The following PUDP variants were observed in gnomAD, a reference collection of about 807,000 sequenced individuals.
PUDP encodes pseudouridine 5'-phosphatase.
In PUDP, 8 loss-of-function variants were observed where a neutral mutation model predicts 9.4. That is an observed-to-expected ratio of 0.85 (90% CI 0.50 to 1.53). The LOEUF (loss-of-function observed/expected upper bound fraction) is 1.53, where lower values mean the gene tolerates loss of function less well. Among genes scored for constraint, PUDP ranks in the 40% most tolerant of loss-of-function variants. PUDP has a pLI of 0.00. For synonymous variants in PUDP, 99 were observed against 80.7 expected (o/e 1.23, Z -1.22); for missense variants, 188 against 189.7 (o/e 0.99, Z 0.05).
At chrX:6,964,378 G>T (rs950822051) in intron 3 of PUDP, among the ~76,000 whole-genome samples, 14 of 112,249 alleles carry the variant, frequency 1.2e-4, no homozygotes, top group African/African-American at 4.2e-4. Flanking sequence ...TTTGATTCAA[G>T]AAATGGGTAT....
intron 3 of PUDP, among the ~76,000 whole-genome samples, chrX:6,902,720 G>A (rs967771406): frequency 3.6e-5 from 4 of 111,652 alleles, no homozygotes; most frequent in African/African-American, 6.5e-5. Context: ...CACTGGCAGA[G>A]CTAGCCTGTA....
intron 2 of PUDP, among the ~76,000 whole-genome samples, chrX:7,077,932 A>G (rs1930966791): frequency 8.9e-6 from 1 of 112,565 alleles, no homozygotes; most frequent in Non-Finnish European, 1.9e-5. Flanking sequence ...AAACACTTCA[A>G]TCATTCTTCA....
intron 1 of PUDP, among the ~76,000 whole-genome samples, chrX:7,038,852 C>A (rs1443235692): frequency 8.9e-6 from 1 of 112,147 alleles, no homozygotes; most frequent in East Asian, 2.8e-4. Flanking sequence ...GAATATCGTT[C>A]TTTCCTCGGA....
intron 3 of PUDP, among the ~76,000 whole-genome samples, chrX:6,886,214 A>G (rs1253060147): frequency 2.7e-5 from 3 of 112,236 alleles, no homozygotes; most frequent in African/African-American, 9.7e-5. Context: ...TTAAACTCCA[A>G]TTATGGCAGT....
intron 1 of PUDP, among the ~76,000 whole-genome samples, chrX:7,111,494 G>C (rs1932047808): frequency 9.2e-6 from 1 of 108,360 alleles, no homozygotes; most frequent in Non-Finnish European, 1.9e-5. Context: ...CCTTAAAGCT[G>C]GGGGTGGGGT....
chrX:7,059,142 T>G (rs1466190864), intron 3 of PUDP, among the ~76,000 whole-genome samples: 1 of 111,695 alleles, frequency 9.0e-6, no homozygotes, highest in Non-Finnish European at 1.9e-5. Flanking sequence ...ATTTAACGAC[T>G]TGGTTGGGGG....
intron 3 of PUDP, among the ~76,000 whole-genome samples, chrX:6,880,037 G>A (rs1378792925): frequency 1.8e-5 from 2 of 110,962 alleles, no homozygotes; most frequent in African/African-American, 6.5e-5. Flanking sequence ...CTACTCAAAG[G>A]ACTGTCCTGC....
chrX:6,906,974 A>G (rs1927776622), intron 3 of PUDP, among the ~76,000 whole-genome samples: 1 of 111,075 alleles, frequency 9.0e-6, no homozygotes, highest in African/African-American at 3.3e-5. Context: ...TTGCTGCTAA[A>G]ACTTTCTCCT....
At chrX:6,889,378 G>C (rs906113696) in intron 3 of PUDP, among the ~76,000 whole-genome samples, 2 of 111,075 alleles carry the variant, frequency 1.8e-5, no homozygotes, top group Non-Finnish European at 3.8e-5. Context: ...ATGTTGTCCA[G>C]GCTGGTCTTG....
At chrX:7,115,816 C>G (rs1214405615) in intron 1 of PUDP, among the ~76,000 whole-genome samples, 1 of 112,683 alleles carries the variant, frequency 8.9e-6, no homozygotes, top group South Asian at 3.6e-4. Flanking sequence ...CGTCCACGCA[C>G]GTGGCTGCAA....
At chrX:6,750,697 C>G (rs1041571328) in intron 3 of PUDP, among the ~76,000 whole-genome samples, 1 of 111,655 alleles carries the variant, frequency 9.0e-6, no homozygotes. Context: ...ATAAGATGCA[C>G]TATCGGCTTC....
intron 3 of PUDP, among the ~76,000 whole-genome samples, chrX:6,783,442 G>A (rs921778380): frequency 3.6e-5 from 4 of 110,969 alleles, no homozygotes; most frequent in East Asian, 5.7e-4. Context: ...GACTCGCCCC[G>A]AATTCTTTCT....
chrX:6,737,593 TGAGG>T (rs1333611463), intron 3 of PUDP, among the ~76,000 whole-genome samples: 20 of 98,046 alleles, frequency 2.0e-4, no homozygotes, highest in African/African-American at 7.2e-4. Context: ...TGGCCATGGA[TGAGG>T]GAGGGAGGGA....
intron 3 of PUDP, among the ~76,000 whole-genome samples, chrX:6,788,969 T>C (rs1040416873): frequency 1.2e-4 from 13 of 111,605 alleles, no homozygotes; most frequent in Non-Finnish European, 2.4e-4. Flanking sequence ...GCCATGCAGA[T>C]GCAGAGAAGG....
At chrX:6,832,698 T>TGG (rs1926521817) in intron 3 of PUDP, among the ~76,000 whole-genome samples, 1 of 111,594 alleles carries the variant, frequency 9.0e-6, no homozygotes, top group South Asian at 3.7e-4. Flanking sequence ...GCTAAGCCCT[T>TGG]CCGGGGAGTA....
intron 3 of PUDP, among the ~76,000 whole-genome samples, chrX:6,950,604 G>C (rs1928540642): frequency 9.4e-6 from 1 of 106,275 alleles, no homozygotes; most frequent in Admixed American, 1.0e-4. Flanking sequence ...TGTAGACAGG[G>C]TTTCACCATG....
rs373552607 is a variant in PUDP, at chrX:6,820,812, C to T, written c.*248-114346G>A. On this transcript the variant is annotated intron_variant and NMD_transcript_variant, in intron 3 of 3. Transcript: ENST00000655425. ...ATTGAGTGTCTGCGGCTTTTCCAGG[C>T]GCATGATGCGAGCTGTCAGTGGATG... is the stretch of plus-strand genomic sequence containing the variant. 9.9e-5 allele frequency among the ~76,000 whole-genome samples: 11 copies of T among 111,360 alleles called. 1 individual carries two copies. The East Asian group carries it at 1.1e-3, about 12-fold the overall frequency.
At chrX:6,795,192 C>G (rs1410000388) in intron 3 of PUDP, among the ~76,000 whole-genome samples, 1 of 111,428 alleles carries the variant, frequency 9.0e-6, no homozygotes, top group Non-Finnish European at 1.9e-5. Context: ...TATATGTGGT[C>G]TGTCACTGAC....
At chrX:6,790,715 C>T (rs1042440788) in intron 3 of PUDP, among the ~76,000 whole-genome samples, 1 of 112,405 alleles carries the variant, frequency 8.9e-6, no homozygotes. Context: ...CACTTATGTG[C>T]TAACTCATGG....
Sources: gnomAD v4.1 joint callset for allele counts (sites outside exome capture counted in the v4.1 genomes callset) on GRCh38, gnomAD v4.1.1 for gene constraint, MANE v1.5 for transcripts, NCBI Gene and HGNC (gene_info 2026-07-23, HGNC 2026-07-21) for gene names.